The following GCN1 variants were observed in gnomAD, a reference collection of about 807,000 sequenced individuals.
GCN1 encodes GCN1 activator of EIF2AK4.
Under a neutral mutation model 288.4 loss-of-function variants are expected in GCN1, and 90 were observed. The observed-to-expected ratio is 0.31, with a 90% confidence interval of 0.26 to 0.37. The LOEUF is 0.37. GCN1 is among the 10% of genes least tolerant of loss of function. GCN1 has a pLI of 1.00. For synonymous variants in GCN1, 1,386 were observed against 1,420.2 expected (o/e 0.98, Z 0.54); for missense variants, 2,586 against 3,419.9 (o/e 0.76, Z 6.08).
chr12:120,193,390 C>T (rs942140275), intron 1 of GCN1, among the ~76,000 whole-genome samples: 2 of 152,124 alleles, frequency 1.3e-5, no homozygotes, highest in African/African-American at 2.4e-5. Context: ...ACTGCAACCT[C>T]TGCCTCCCAG....
At chr12:120,184,930 T>C (rs1233698329) in intron 2 of GCN1, 43 bp from the exon 3 acceptor site, 2 of 1,368,540 alleles carry the variant, frequency 1.5e-6, no homozygotes, top group African/African-American at 1.4e-5. Context: ...TAAAAATCAC[T>C]TGGTAAGCCG....
chr12:120,178,995 T>A lies in GCN1; in HGVS notation c.427-45A>T, dbSNP rs758249457. ...CTCAGGTCAAGGTGGGACATGAGAC[T>A]GAGGGTCCCATGGCTCTCATAGCCT... On this transcript the variant is annotated intron_variant, in intron 5 of 57. Coordinates refer to ENST00000300648, the MANE Select transcript of GCN1 (RefSeq NM_006836.2). The A allele has an allele frequency of 1.6e-5, 24 of 1,494,634 alleles. No individual in the cohort carries two copies. The Admixed American group carries it at 3.4e-4, about 21-fold the overall frequency. The allele number at this position is 1,494,634 out of a possible 1,614,324, so 92.6% of individuals were successfully genotyped here.
chr12:120,160,966 GAGA>G (rs1877906009), intron 22 of GCN1, among the ~76,000 whole-genome samples: 1 of 152,232 alleles, frequency 6.6e-6, no homozygotes, highest in African/African-American at 2.4e-5. Flanking sequence ...CCACCTCTCT[GAGA>G]AGCACACATG....
chr12:120,164,586 G>A, intron 17 of GCN1, 60 bp downstream of exon 17: 1 of 1,598,210 alleles, frequency 6.3e-7, no homozygotes, highest in Non-Finnish European at 8.6e-7. Context: ...CCCTTTCTCG[G>A]GTTCCTGCCA....
intron 5 of GCN1, among the ~76,000 whole-genome samples, chr12:120,179,569 T>G (rs1878586328): frequency 6.6e-6 from 1 of 151,950 alleles, no homozygotes; most frequent in African/African-American, 2.4e-5. Context: ...CCACCTAATT[T>G]TTTGTATTTT....
rs1313558543 is a variant in GCN1 at position 120,130,710 on chromosome 12, A to AT, written c.7606dup (p.Met2536AsnfsTer22). 6.2e-7 allele frequency: 1 copy of AT among 1,614,006 alleles called. No individual in the cohort carries two copies. On this transcript the variant is annotated frameshift_variant, in exon 56 of 58. Coordinates refer to ENST00000300648, the MANE Select transcript of GCN1 (RefSeq NM_006836.2). LOFTEE classifies it high-confidence loss of function. ...TCCGCCTGTCTCGATGTGGTGTCTC[A>AT]TGAGAAAGCCCATGCCCCGGACCCC...
At chr12:120,164,974 T>TATATAC (rs968293841) in intron 16 of GCN1, among the ~76,000 whole-genome samples, 22 of 146,724 alleles carry the variant, frequency 1.5e-4, no homozygotes, top group Non-Finnish European at 3.0e-5. Context: ...TATACACATA[T>TATATAC]ATATACATAT....
In GCN1 at chr12:120,157,915, A is replaced by T. The variant is rs775828016; in HGVS notation, c.3021T>A (p.Leu1007=). 1.3e-5 allele frequency: 21 copies of T among 1,613,924 alleles called. No homozygotes were observed. The East Asian group carries it at 4.2e-4, about 33-fold the overall frequency. ...EEEEEWMAQI[L]QILTVQAQLR... The stretch of plus-strand genomic sequence containing the variant: ...GCTGGGCTTGGACAGTGAGGATCTG[A>T]AGAATCTGGGCCATCCACTCCTCCT... Residue 1007 remains leucine, a synonymous_variant, in exon 26 of 58, where the codon CTT becomes CTA. Coordinates refer to ENST00000300648, the MANE Select transcript of GCN1 (RefSeq NM_006836.2).
At position 120,129,345 on chromosome 12, in the gene GCN1, C is replaced by T. The variant is rs775073318; in HGVS notation, c.7821G>A (p.Val2607=). ...LLDNTKDKNT[V]VRAYSDQAIV... is the part of the protein sequence containing the mutation. ...TTGCCTGGTCGCTGTAGGCCCTGACCACGGTGTTCTTATCCTTGGTGTTGT... is the reference window on the plus strand; with the variant it reads ...TTGCCTGGTCGCTGTAGGCCCTGACTACGGTGTTCTTATCCTTGGTGTTGT... The change falls in exon 57 of 58, where the codon GTG becomes GTA. Residue 2607 remains valine, a synonymous_variant. Coordinates refer to ENST00000300648, the MANE Select transcript of GCN1 (RefSeq NM_006836.2). 5 of 1,614,044 alleles carry T rather than the reference C, an allele frequency of 3.1e-6. No homozygotes were observed. In the African/African-American group the frequency reaches 4.0e-5, roughly 13 times the overall value.
rs200379423 is a variant in GCN1, at chr12:120,173,684, G to A, written c.1335C>T (p.Ala445=). The change falls in exon 14 of 58, where the codon GCC becomes GCT. Residue 445 remains alanine, a synonymous_variant. Coordinates refer to ENST00000300648, the MANE Select transcript of GCN1 (RefSeq NM_006836.2). ...LKTSTSAVRH[A]YLQCMLASYR... is the part of the protein sequence containing the mutation. ...AAGAGGCCAACATGCACTGCAGGTA[G>A]GCATGCCTCACCGCAGATGTGGAGG... is the stretch of plus-strand genomic sequence containing the variant. The A allele has an allele frequency of 1.3e-3, 2,171 of 1,612,432 alleles. 4 individuals are homozygous for A. The highest frequency in any genetic ancestry group is 1.8e-3 in the Non-Finnish European group (2,075 of 1,178,412).
At position 120,142,358 on chromosome 12, in the gene GCN1, A is replaced by G. The variant is rs1299619980; in HGVS notation, c.5829+149T>C. The G allele has an allele frequency of 3.3e-6, 2 of 608,186 alleles. No individual in the cohort carries two copies. The highest frequency in any genetic ancestry group is 5.5e-5 in the East Asian group (2 of 36,094). The allele number at this position is 608,186 out of a possible 1,614,324, so 37.7% of individuals were successfully genotyped here. On this transcript the variant is annotated intron_variant, in intron 44 of 57. Transcript: ENST00000300648. The surrounding 1 kb of genome is among the most constrained non-coding windows in gnomAD (Gnocchi z 4.9). Reference sequence around the variant, plus strand: ...TAAATAAAATAAAATTAATCAAAAAATATTTGCAGAATGACTAAGTAAAGA... The same window carrying G: ...TAAATAAAATAAAATTAATCAAAAAGTATTTGCAGAATGACTAAGTAAAGA...
chr12:120,127,494 G>C lies in GCN1; in HGVS notation c.*355C>G, dbSNP rs778453885. 1 of 214,458 alleles carries C rather than the reference G, an allele frequency of 4.7e-6. No homozygotes were observed. Among genetic ancestry groups the C allele is most frequent in the Non-Finnish European group, 9.6e-6 (1 of 104,490 alleles). 13.3% of individuals were successfully genotyped at this position (214,458 alleles called of 1,614,324 possible). ...GGGATATAGGAAAAAGGTTGGTAGCGCCAGCTCTCAAACCAGAGCTCAAGC... is the reference window on the plus strand; with the variant it reads ...GGGATATAGGAAAAAGGTTGGTAGCCCCAGCTCTCAAACCAGAGCTCAAGC... On this transcript the variant is annotated 3_prime_UTR_variant, in exon 58 of 58. Transcript: ENST00000300648.
intron 38 of GCN1, 52 bp downstream of exon 38, chr12:120,147,000 G>A: frequency 9.1e-7 from 1 of 1,103,184 alleles, no homozygotes. Context: ...CTCTGACTCT[G>A]CACTCAAACA....
Position 120,149,606 on chromosome 12 carries a change from C to T in GCN1, c.4546G>A (p.Gly1516Arg). ...LEEESWRTKA[G>R]SVELLGAMAY... is the part of the protein sequence containing the mutation. ...AGAGAGGCAGAGCGAGTGGTCTTAC[C>T]AGCTTTGGTCCGCCACGATTCCTCC... is the stretch of plus-strand genomic sequence containing the variant. Residue 1516 changes from glycine to arginine, a missense_variant and splice_region_variant, in exon 36 of 58, where the codon GGG (glycine) becomes AGG (arginine). Around this residue, in one of 8 missense-constraint regions of GCN1, gnomAD observed 371 missense variants for 572.6 expected, o/e 0.65. Coordinates refer to ENST00000300648, the MANE Select transcript of GCN1 (RefSeq NM_006836.2). 6.2e-7 allele frequency: 1 copy of T among 1,607,922 alleles called. No homozygotes were observed. Among genetic ancestry groups the T allele is most frequent in the Non-Finnish European group, 8.5e-7 (1 of 1,174,702 alleles).
intron 51 of GCN1, among the ~76,000 whole-genome samples, chr12:120,135,014 T>A (rs543798391): frequency 6.6e-6 from 1 of 152,316 alleles, no homozygotes; most frequent in South Asian, 2.1e-4. Context: ...GGGGTTTGGC[T>A]TAGTGGAGAC....
At chr12:120,169,582 C>T (rs140980503) in intron 15 of GCN1, among the ~76,000 whole-genome samples, 107 of 152,250 alleles carry the variant, frequency 7.0e-4, no homozygotes, top group African/African-American at 2.3e-3. Flanking sequence ...CAGCTCACTG[C>T]AACCTACGCC....
At chr12:120,147,885 G>C (rs772101624) in intron 37 of GCN1, among the ~76,000 whole-genome samples, 44 of 152,162 alleles carry the variant, frequency 2.9e-4, no homozygotes, top group Non-Finnish European at 2.1e-4. Context: ...CCTGGAATGA[G>C]ATGGAATAGC....
At chr12:120,157,539 A>G (rs1381432897) in intron 26 of GCN1, among the ~76,000 whole-genome samples, 1 of 152,270 alleles carries the variant, frequency 6.6e-6, no homozygotes. Context: ...TTAAGAACTC[A>G]TCAACAGGTA....
chr12:120,167,774 C>T (rs980346084), intron 16 of GCN1, among the ~76,000 whole-genome samples: 4 of 152,070 alleles, frequency 2.6e-5, no homozygotes, highest in Admixed American at 2.0e-4. Context: ...GCAGACACTC[C>T]TAAGGCAACG....
Sources: allele counts gnomAD v4.1 joint callset (sites outside exome capture counted in the v4.1 genomes callset), GRCh38; gene constraint gnomAD v4.1.1; regional missense constraint gnomAD v4.1.1; non-coding constraint Gnocchi (gnomAD v3.1); transcripts MANE v1.5; gene names NCBI Gene and HGNC (gene_info 2026-07-23, HGNC 2026-07-21).